Variants in MYOCD observed in about 807,000 individuals in gnomAD.
MYOCD encodes the protein myocardin.
MYOCD carries 32 observed loss-of-function variants against 96.1 expected under a neutral mutation model. That is an observed-to-expected ratio of 0.33 (90% CI 0.25 to 0.45). The LOEUF (loss-of-function observed/expected upper bound fraction) is 0.45, where lower values mean the gene tolerates loss of function less well. Ranked by LOEUF, MYOCD falls within the 20% of genes least tolerant of loss-of-function variation. The pLI, the probability that MYOCD is intolerant of heterozygous loss-of-function variation, is 1.00. For synonymous variants in MYOCD, 469 were observed against 469.0 expected (o/e 1.00, Z 0.00); for missense variants, 1,133 against 1,200.6 (o/e 0.94, Z 0.83).
In MYOCD at chr17:12,743,486, CTT is replaced by C. The variant is rs373893604; in HGVS notation, c.718-675_718-674del. 7.0e-3 allele frequency among the ~76,000 whole-genome samples: 683 copies of C among 98,272 alleles called. 3 individuals are homozygous for C. Among genetic ancestry groups the C allele is most frequent in the East Asian group, 0.033 (110 of 3,310 alleles). The allele number at this position is 98,272 out of a possible 152,430, so 64.5% of individuals were successfully genotyped here. On this transcript the variant is annotated intron_variant, in intron 7 of 13. Transcript: ENST00000425538. ...GACTGCACATATGCATATGAAAGTT[CTT>C]TTTTTTTTTTTTTTTTTTTTTGAGA...
At position 12,766,844 on chromosome 17, in the gene MYOCD, C is replaced by A. The variant is rs2033351867; in HGVS notation, c.*3200C>A. ...TAGATTCATACTTATCTAAAGAAGT[C>A]AAAAAATTTATTCGTGCAAGTGCTT... On this transcript the variant is annotated 3_prime_UTR_variant, in exon 14 of 14. Transcript: ENST00000425538. 6.6e-6 allele frequency: 1 copy of A among 151,990 alleles called. No individual in the cohort carries two copies. Among genetic ancestry groups the A allele is most frequent in the East Asian group, 1.9e-4 (1 of 5,178 alleles). 9.4% of individuals were successfully genotyped at this position (151,990 alleles called of 1,614,324 possible).
rs1909346631 is a variant in MYOCD at position 12,665,917 on chromosome 17, A to G, written c.-272A>G. 4.0e-6 allele frequency: 2 copies of G among 500,878 alleles called. No homozygotes were observed. The highest frequency in any genetic ancestry group is 3.5e-5 in the Admixed American group (1 of 28,880). The allele number at this position is 500,878 out of a possible 1,614,324, so 31.0% of individuals were successfully genotyped here. Reference sequence around the variant, plus strand: ...TCGCCGGCAGCCTATGACATCAGACAGGAACGCCTGGGATGCCGCGCTGCT... The same window carrying G: ...TCGCCGGCAGCCTATGACATCAGACGGGAACGCCTGGGATGCCGCGCTGCT... On this transcript the variant is annotated 5_prime_UTR_variant, in exon 1 of 14. Coordinates refer to ENST00000425538, the MANE Select transcript of MYOCD (RefSeq NM_001146312.3). The surrounding 1 kb of genome is among the most constrained non-coding windows in gnomAD (Gnocchi z 4.2).
At chr17:12,673,609 A>G (rs1253384607) in intron 1 of MYOCD, among the ~76,000 whole-genome samples, 1 of 152,206 alleles carries the variant, frequency 6.6e-6, no homozygotes, top group Non-Finnish European at 1.5e-5. Context: ...CTACTATGAA[A>G]ATCTGTATGC....
chr17:12,731,341 G>A (rs2032166100), intron 5 of MYOCD, among the ~76,000 whole-genome samples: 1 of 152,178 alleles, frequency 6.6e-6, no homozygotes, highest in African/African-American at 2.4e-5. Context: ...CTACTCTGAG[G>A]AAGGGCCGCC....
rs1023326489 is a variant in MYOCD, at chr17:12,666,000, C to T, written c.-189C>T. On this transcript the variant is annotated 5_prime_UTR_variant, in exon 1 of 14. Coordinates refer to ENST00000425538, the MANE Select transcript of MYOCD (RefSeq NM_001146312.3). This position sits in a 1 kb window ranked among gnomAD's most constrained non-coding sequence, Gnocchi z 4.2. ...GCCGGCTAAGAGTTAATTAGCCCCG[C>T]ACGGCGAGGGGGGAGGCGCCAGTTT... 3 of 558,942 alleles carry T rather than the reference C, an allele frequency of 5.4e-6. No individual in the cohort carries two copies. Among genetic ancestry groups the T allele is most frequent in the Admixed American group, 3.2e-5 (1 of 31,230 alleles). 34.6% of individuals were successfully genotyped at this position (558,942 alleles called of 1,614,324 possible).
intron 2 of MYOCD, among the ~76,000 whole-genome samples, chr17:12,708,829 C>T (rs962019013): frequency 1.3e-5 from 2 of 152,168 alleles, no homozygotes; most frequent in Non-Finnish European, 2.9e-5. Flanking sequence ...AGGCCAGAAC[C>T]TGTGTCTCCT....
intron 2 of MYOCD, among the ~76,000 whole-genome samples, chr17:12,715,091 C>A (rs2031597973): frequency 6.6e-6 from 1 of 152,112 alleles, no homozygotes; most frequent in Non-Finnish European, 1.5e-5. Context: ...ACCACCCCAC[C>A]CCACAGACAC....
intron 1 of MYOCD, among the ~76,000 whole-genome samples, chr17:12,678,988 T>A (rs1910280429): frequency 6.6e-6 from 1 of 152,178 alleles, no homozygotes. Context: ...CAGATGAGGT[T>A]ACTGAGTTTC....
At chr17:12,724,876 G>A (rs2031951117) in intron 5 of MYOCD, among the ~76,000 whole-genome samples, 1 of 152,010 alleles carries the variant, frequency 6.6e-6, no homozygotes, top group Admixed American at 6.6e-5. Flanking sequence ...TATATTTTAA[G>A]TGAAAATTAG....
Position 12,700,813 on chromosome 17 carries a change from T to C in MYOCD, c.56-4315T>C, listed in dbSNP as rs535094064. 2.0e-5 allele frequency among the ~76,000 whole-genome samples: 3 copies of C among 152,288 alleles called. No individual in the cohort carries two copies. The South Asian group carries it at 6.2e-4, about 32-fold the overall frequency. Reference sequence around the variant, plus strand: ...TGGTATAATGTATAAAATGTGTTATTTAATGGAAAACTTGGAAAACAACTT... The same window carrying C: ...TGGTATAATGTATAAAATGTGTTATCTAATGGAAAACTTGGAAAACAACTT... On this transcript the variant is annotated intron_variant, in intron 1 of 13. Transcript: ENST00000425538.
Position 12,753,316 on chromosome 17 carries a change from G to T in MYOCD, c.2028G>T (p.Ser676=), listed in dbSNP as rs548045233. 10 of 1,607,328 alleles carry T rather than the reference G, an allele frequency of 6.2e-6. No homozygotes were observed. In the Admixed American group the frequency reaches 1.5e-4, roughly 24 times the overall value. ...GAQGEGHRVS[S]PISSQVCTAQ... is the part of the protein sequence containing the mutation. ...AGGGAGAAGGGCACAGGGTCTCCTC[G>T]CCCATCAGCAGCCAGGTGTGCACTG... Residue 676 remains serine (S), a synonymous_variant, in exon 10 of 14, where the codon TCG becomes TCT. Coordinates refer to ENST00000425538, the MANE Select transcript of MYOCD (RefSeq NM_001146312.3).
chr17:12,674,596 A>T (rs148586377), intron 1 of MYOCD, among the ~76,000 whole-genome samples: 1 of 152,212 alleles, frequency 6.6e-6, no homozygotes, highest in African/African-American at 2.4e-5. Flanking sequence ...AAAACAGACA[A>T]TTATTATCAG....
chr17:12,746,019 G>T lies in MYOCD; in HGVS notation c.1072G>T (p.Gly358Cys), dbSNP rs766938453. 1.2e-6 allele frequency: 2 copies of T among 1,614,026 alleles called. No homozygotes were observed. The highest frequency in any genetic ancestry group is 1.7e-6 in the Non-Finnish European group (2 of 1,180,028). The part of the protein sequence containing the change: ...PVKNSFSGQT[G>C]VSSFKPGPLP... ...CAAAAACAGTTTTTCTGGACAAACT[G>T]GTGTCTCTTCTTTCAAACCAGGCCC... The change falls in exon 9 of 14, where the codon GGT becomes TGT. Residue 358 changes from glycine (G) to cysteine (C), a missense_variant. Coordinates refer to ENST00000425538, the MANE Select transcript of MYOCD (RefSeq NM_001146312.3).
chr17:12,741,394 C>T (rs139081960), intron 7 of MYOCD, among the ~76,000 whole-genome samples: 1 of 152,298 alleles, frequency 6.6e-6, no homozygotes, highest in East Asian at 1.9e-4. Flanking sequence ...ATTTCTATCA[C>T]AGTATTTAAA....
In MYOCD at chr17:12,722,876, G is replaced by C; in HGVS notation, c.283G>C (p.Ala95Pro). The C allele has an allele frequency of 6.2e-7, 1 of 1,613,798 alleles. No individual in the cohort carries two copies. The highest frequency in any genetic ancestry group is 2.2e-5 in the East Asian group (1 of 44,858). ...ASTAERSIPTAQMKLKRARLA... is the reference protein window; with the variant it reads ...ASTAERSIPTPQMKLKRARLA... ...CACTGCAGAGAGGTCCATTCCAACT[G>C]CTCAGATGAAGCTGAAAAGAGCCCG... The change falls in exon 5 of 14, where the codon GCT becomes CCT. Residue 95 changes from alanine to proline, a missense_variant. Ala to Pro is a conservative substitution (Grantham distance 27). Transcript: ENST00000425538.
intron 10 of MYOCD, 33 bp downstream of exon 10, chr17:12,753,379 C>T: frequency 1.3e-6 from 2 of 1,506,272 alleles, no homozygotes; most frequent in Non-Finnish European, 1.8e-6. Flanking sequence ...CTGGTGCACA[C>T]TTCTTTCTGG....
At chr17:12,716,977 T>A (rs12945918) in intron 3 of MYOCD, among the ~76,000 whole-genome samples, 1 of 137,248 alleles carries the variant, frequency 7.3e-6, no homozygotes. Context: ...ATGACAGAGA[T>A]GCTGTCTCAA....
intron 4 of MYOCD, among the ~76,000 whole-genome samples, chr17:12,718,413 A>G (rs1326364388): frequency 1.3e-5 from 2 of 152,162 alleles, no homozygotes; most frequent in Non-Finnish European, 1.5e-5. Context: ...GTCTGAGGGA[A>G]CAGCCTGCAC....
intron 5 of MYOCD, among the ~76,000 whole-genome samples, chr17:12,724,007 G>A (rs2031924400): frequency 6.6e-6 from 1 of 152,076 alleles, no homozygotes; most frequent in Non-Finnish European, 1.5e-5. Context: ...TCCAGGAGAG[G>A]CAATATACTT....
Sources: allele counts gnomAD v4.1 joint callset (sites outside exome capture counted in the v4.1 genomes callset), GRCh38; gene constraint gnomAD v4.1.1; non-coding constraint Gnocchi (gnomAD v3.1); transcripts MANE v1.5; gene names NCBI Gene and HGNC (gene_info 2026-07-23, HGNC 2026-07-21).